Variants in EYS observed in about 807,000 individuals in gnomAD.
The protein encoded by EYS is protein eyes shut homolog.
EYS carries 250 observed loss-of-function variants against 282.1 expected under a neutral mutation model. The ratio of observed to expected loss-of-function variants is 0.89; its 90% CI spans 0.80 to 0.98. The LOEUF is 0.98. Among genes scored for constraint, EYS ranks in the 50% least tolerant of loss-of-function variants. The pLI is 0.00. For missense variants in EYS, 4,016 were observed against 3,709.0 expected (o/e 1.08, Z -2.15); for synonymous variants, 1,355 against 1,282.9 (o/e 1.06, Z -1.20).
rs554233150 is a variant in EYS, at chr6:65,602,811, A to G, written c.-333+36967T>C. Among the ~76,000 whole-genome samples the G allele has an allele frequency of 2.6e-5, 4 of 152,098 alleles. No individual in the cohort carries two copies. The South Asian group carries it at 8.3e-4, about 31-fold the overall frequency. On this transcript the variant is annotated intron_variant, in intron 2 of 42. Transcript: ENST00000503581. The stretch of plus-strand genomic sequence containing the variant: ...GGCCCATTGTAGGGAAGAGACAGGG[A>G]AGCCTTTTTGAAGTGATAACTCCAT...
In EYS at chr6:65,447,858, T is replaced by C. The variant is rs150400858; in HGVS notation, c.863-42491A>G. On this transcript the variant is annotated intron_variant, in intron 5 of 42. Transcript: ENST00000503581. ...TGGGAAAAGTAGTTAGTTGTCTAGC[T>C]TCATGTTGGCAGAGAATGGAAGAAA... Among the ~76,000 whole-genome samples, 534 of 152,076 alleles carry C rather than the reference T, an allele frequency of 3.5e-3. 12 individuals are homozygous for C. The East Asian group carries it at 0.054, about 15-fold the overall frequency.
chr6:64,172,333 A>G (rs543150056), intron 31 of EYS, among the ~76,000 whole-genome samples: 2 of 152,224 alleles, frequency 1.3e-5, no homozygotes, highest in South Asian at 4.1e-4. Flanking sequence ...TAAAACTTAT[A>G]TGTCTTATAT....
intron 22 of EYS, among the ~76,000 whole-genome samples, chr6:64,776,005 A>G (rs1773666917): frequency 6.6e-6 from 1 of 152,086 alleles, no homozygotes. Flanking sequence ...AAAATGTATC[A>G]GCCAAACAGG....
intron 12 of EYS, among the ~76,000 whole-genome samples, chr6:65,076,335 T>G (rs895387993): frequency 5.3e-5 from 8 of 151,996 alleles, no homozygotes; most frequent in Admixed American, 4.6e-4. Flanking sequence ...ATAAAATATA[T>G]CATACATATT....
intron 12 of EYS, among the ~76,000 whole-genome samples, chr6:65,282,233 G>C (rs1458300248): frequency 6.6e-6 from 1 of 151,932 alleles, no homozygotes; most frequent in Non-Finnish European, 1.5e-5. Context: ...CATTTCAAAT[G>C]TTCTCATCAC....
chr6:64,291,288 C>T (rs1463329197), intron 30 of EYS, among the ~76,000 whole-genome samples: 8 of 151,778 alleles, frequency 5.3e-5, no homozygotes, highest in African/African-American at 1.7e-4. Flanking sequence ...GCTATTATTC[C>T]AAAATGAACA....
At chr6:65,447,369 T>TAC (rs1157179907) in intron 5 of EYS, among the ~76,000 whole-genome samples, 6 of 147,040 alleles carry the variant, frequency 4.1e-5, no homozygotes, top group African/African-American at 1.2e-4. Flanking sequence ...TAGTTATATA[T>TAC]ATAAATATAT....
At chr6:65,194,015 T>C (rs558221918) in intron 12 of EYS, among the ~76,000 whole-genome samples, 2 of 152,146 alleles carry the variant, frequency 1.3e-5, no homozygotes, top group South Asian at 4.1e-4. Context: ...ATGGATTTCC[T>C]TTGAATTTAC....
chr6:64,651,395 A>T (rs1219320483), intron 22 of EYS, among the ~76,000 whole-genome samples: 1 of 152,228 alleles, frequency 6.6e-6, no homozygotes, highest in East Asian at 1.9e-4. Flanking sequence ...GTACCTAAAA[A>T]TAAGCCATTA....
intron 5 of EYS, among the ~76,000 whole-genome samples, chr6:65,420,083 G>A (rs1767397184): frequency 6.6e-6 from 1 of 151,938 alleles, no homozygotes; most frequent in Non-Finnish European, 1.5e-5. Context: ...GATCAGGGTG[G>A]TGGTTGCTAA....
intron 1 of EYS, among the ~76,000 whole-genome samples, chr6:65,698,832 A>C (rs1390191793): frequency 1.3e-5 from 2 of 152,202 alleles, no homozygotes; most frequent in Non-Finnish European, 2.9e-5. Flanking sequence ...AAAATTCCCC[A>C]CAGAAACCAT....
intron 7 of EYS, among the ~76,000 whole-genome samples, chr6:65,402,000 C>T (rs1766524855): frequency 6.6e-6 from 1 of 151,808 alleles, no homozygotes; most frequent in South Asian, 2.1e-4. Context: ...TAATCTGTGG[C>T]AAATTATTAC....
chr6:65,081,437 T>C (rs534168959), intron 12 of EYS, among the ~76,000 whole-genome samples: 1 of 152,226 alleles, frequency 6.6e-6, no homozygotes, highest in East Asian at 1.9e-4. Context: ...TTATTTGATA[T>C]TTTATTGTAA....
At chr6:65,420,401 G>A (rs776559514) in intron 5 of EYS, among the ~76,000 whole-genome samples, 3 of 147,294 alleles carry the variant, frequency 2.0e-5, no homozygotes, top group South Asian at 4.2e-4. Context: ...GTTGTATCAC[G>A]AAATGGCAGC....
chr6:63,950,211 AAAAAC>A (rs929255361), intron 35 of EYS, among the ~76,000 whole-genome samples: 1 of 151,818 alleles, frequency 6.6e-6, no homozygotes, highest in Non-Finnish European at 1.5e-5. Flanking sequence ...AAAAAACAAA[AAAAAC>A]AAAACCTGCT....
intron 22 of EYS, among the ~76,000 whole-genome samples, chr6:64,712,476 A>C (rs572723132): frequency 6.6e-6 from 1 of 152,206 alleles, no homozygotes; most frequent in Non-Finnish European, 1.5e-5. Flanking sequence ...GGATTATGGA[A>C]ACTTTATGTT....
chr6:64,863,102 G>T (rs1766300962), intron 19 of EYS, among the ~76,000 whole-genome samples: 1 of 151,942 alleles, frequency 6.6e-6, no homozygotes, highest in Non-Finnish European at 1.5e-5. Flanking sequence ...ATGTAATATT[G>T]TCCCATAGGT....
chr6:64,299,147 G>A (rs1392703923), intron 30 of EYS, among the ~76,000 whole-genome samples: 1 of 152,192 alleles, frequency 6.6e-6, no homozygotes, highest in South Asian at 2.1e-4. Context: ...CTTAAAGTAG[G>A]TACAAAGGAA....
intron 12 of EYS, among the ~76,000 whole-genome samples, chr6:65,093,000 C>T (rs1338016816): frequency 6.6e-6 from 1 of 152,106 alleles, no homozygotes; most frequent in African/African-American, 2.4e-5. Context: ...GATGCATTAT[C>T]ATCAAATTAT....
Sources: allele counts gnomAD v4.1 joint callset (sites outside exome capture counted in the v4.1 genomes callset), GRCh38; gene constraint gnomAD v4.1.1; transcripts MANE v1.5; gene names NCBI Gene and HGNC (gene_info 2026-07-23, HGNC 2026-07-21).